The following UBAC2 variants were observed in gnomAD, a reference collection of about 807,000 sequenced individuals.
UBAC2 encodes the protein UBA domain containing 2.
UBAC2 carries 26 observed loss-of-function variants against 44.0 expected under a neutral mutation model. The ratio of observed to expected loss-of-function variants is 0.59; its 90% CI spans 0.43 to 0.82. The LOEUF is 0.82. UBAC2 is among the 40% of genes least tolerant of loss of function. UBAC2 has a pLI of 0.00. For missense variants in UBAC2, 329 were observed against 419.4 expected (o/e 0.78, Z 1.88); for synonymous variants, 155 against 154.3 (o/e 1.00, Z -0.04).
intron 7 of UBAC2, chr13:99,351,997 A>G (rs1387670848): frequency 2.1e-5 from 7 of 335,722 alleles, no homozygotes; most frequent in Non-Finnish European, 4.1e-5. Flanking sequence ...ACTTGGTAAC[A>G]TTCTGTGGCT....
chr13:99,289,032 T>A (rs2138702944), intron 4 of UBAC2, among the ~76,000 whole-genome samples: 1 of 152,362 alleles, frequency 6.6e-6, no homozygotes, highest in South Asian at 2.1e-4. Flanking sequence ...GTACGATGGC[T>A]GGCAAAGAGC....
rs149628464 is a variant in UBAC2, at chr13:99,212,297, A to C, written c.31+11358A>C. Among the ~76,000 whole-genome samples the C allele has an allele frequency of 3.0e-4, 45 of 152,314 alleles. 3 individuals are homozygous for C. The East Asian group carries it at 6.8e-3, about 23-fold the overall frequency. On this transcript the variant is annotated intron_variant, in intron 1 of 8. Coordinates refer to ENST00000403766, the MANE Select transcript of UBAC2 (RefSeq NM_001144072.2). Reference sequence around the variant, plus strand: ...TGCTTTGTGAAATGGTACTATGAGGAGCTCCTGAAGTTTTAACCCTCATTT... The same window carrying C: ...TGCTTTGTGAAATGGTACTATGAGGCGCTCCTGAAGTTTTAACCCTCATTT...
At chr13:99,318,650 C>T (rs1248226443) in intron 6 of UBAC2, among the ~76,000 whole-genome samples, 1 of 151,006 alleles carries the variant, frequency 6.6e-6, no homozygotes, top group African/African-American at 2.4e-5. Flanking sequence ...GAAACCCCAT[C>T]TCTGCTAAAA....
chr13:99,247,219 G>A (rs368278575), intron 4 of UBAC2, among the ~76,000 whole-genome samples: 1 of 145,638 alleles, frequency 6.9e-6, no homozygotes, highest in Non-Finnish European at 1.5e-5. Flanking sequence ...GTTTTGTTTT[G>A]TTTTGTTTTT....
intron 7 of UBAC2, among the ~76,000 whole-genome samples, chr13:99,356,560 A>G (rs906242016): frequency 2.0e-5 from 3 of 152,216 alleles, no homozygotes; most frequent in Non-Finnish European, 4.4e-5. Flanking sequence ...CACAAAGGAA[A>G]AGTGAAACCG....
At chr13:99,338,917 T>A (rs1033281899) in intron 6 of UBAC2, among the ~76,000 whole-genome samples, 2 of 152,214 alleles carry the variant, frequency 1.3e-5, no homozygotes, top group African/African-American at 2.4e-5. Flanking sequence ...TGTCTCAGAT[T>A]TCCTTACTGG....
chr13:99,341,418 AGG>A (rs59704974), intron 7 of UBAC2, among the ~76,000 whole-genome samples: 87,505 of 146,100 alleles, frequency 0.6, 27,233 homozygotes, highest in Non-Finnish European at 0.72. Context: ...AGTTTATATC[AGG>A]GGGGGGGAGG....
At chr13:99,345,590 T>A (rs1354142253) in intron 7 of UBAC2, among the ~76,000 whole-genome samples, 2 of 152,132 alleles carry the variant, frequency 1.3e-5, no homozygotes, top group Non-Finnish European at 2.9e-5. Context: ...CACCACTTTA[T>A]TGAGCTCATG....
chr13:99,323,772 T>A (rs926640154), intron 6 of UBAC2, among the ~76,000 whole-genome samples: 11 of 152,316 alleles, frequency 7.2e-5, no homozygotes, highest in South Asian at 4.1e-4. Context: ...TATTCTTCCT[T>A]GTGGCAATTG....
intron 4 of UBAC2, among the ~76,000 whole-genome samples, chr13:99,248,806 C>T (rs1177175272): frequency 2.6e-5 from 4 of 152,160 alleles, no homozygotes; most frequent in East Asian, 1.9e-4. Flanking sequence ...GGATTATAGG[C>T]GTGACCACCA....
intron 4 of UBAC2, among the ~76,000 whole-genome samples, chr13:99,304,245 A>AACATTCTTCCCTCTGTTTGATGTCCTCTG (rs1370262069): frequency 6.6e-6 from 1 of 152,172 alleles, no homozygotes; most frequent in Non-Finnish European, 1.5e-5. Flanking sequence ...TGTGCCCGGT[A>AACATTCTTCCCTCTGTTTGATGTCCTCTG]ACATTCTTCC....
intron 4 of UBAC2, among the ~76,000 whole-genome samples, chr13:99,279,926 C>G (rs1739619473): frequency 6.6e-6 from 1 of 152,230 alleles, no homozygotes. Flanking sequence ...AGGACAGAAA[C>G]ATTCAGTTGA....
intron 8 of UBAC2, among the ~76,000 whole-genome samples, chr13:99,381,338 A>G (rs2138930209): frequency 6.6e-6 from 1 of 152,332 alleles, no homozygotes; most frequent in South Asian, 2.1e-4. Context: ...GTCACACTTC[A>G]TCACTCCAGA....
At chr13:99,247,873 C>CTCTT (rs1555322990) in intron 4 of UBAC2, among the ~76,000 whole-genome samples, 2 of 148,822 alleles carry the variant, frequency 1.3e-5, no homozygotes, top group Admixed American at 1.3e-4. Flanking sequence ...CTCTCTCTCT[C>CTCTT]TTTTTTTTTT....
intron 6 of UBAC2, among the ~76,000 whole-genome samples, chr13:99,324,646 G>A (rs779653821): frequency 2.0e-5 from 3 of 152,114 alleles, no homozygotes; most frequent in Non-Finnish European, 2.9e-5. Context: ...GAGGAACTAC[G>A]GAATATTCTC....
chr13:99,339,639 A>ATT (rs60996118), intron 6 of UBAC2, among the ~76,000 whole-genome samples: 1,907 of 149,232 alleles, frequency 0.013, 47 homozygotes, highest in African/African-American at 0.043. Context: ...TCACATCAAG[A>ATT]TTTTTTTTTT....
intron 1 of UBAC2, among the ~76,000 whole-genome samples, chr13:99,224,343 A>G (rs1261347039): frequency 1.3e-5 from 2 of 152,314 alleles, no homozygotes; most frequent in African/African-American, 2.4e-5. Context: ...TAAAGGGCCT[A>G]TCTCCAAACT....
chr13:99,284,657 G>A (rs2043995133), intron 4 of UBAC2, among the ~76,000 whole-genome samples: 1 of 152,132 alleles, frequency 6.6e-6, no homozygotes, highest in Non-Finnish European at 1.5e-5. Flanking sequence ...ATGGCAAAAA[G>A]GAAAATCAAA....
chr13:99,206,135 A>G (rs980299265), intron 1 of UBAC2: 2 of 152,774 alleles, frequency 1.3e-5, no homozygotes, highest in African/African-American at 2.4e-5. Context: ...AGATGAGTTC[A>G]GCTTTGGACC....
Sources: allele counts gnomAD v4.1 joint callset (sites outside exome capture counted in the v4.1 genomes callset), GRCh38; gene constraint gnomAD v4.1.1; transcripts MANE v1.5; gene names NCBI Gene and HGNC (gene_info 2026-07-23, HGNC 2026-07-21).